FOXR1: variants seen among roughly 807,000 people sequenced by gnomAD.
FOXR1 encodes forkhead box protein R1.
Under a neutral mutation model 34.5 loss-of-function variants are expected in FOXR1, and 25 were observed. That is an observed-to-expected ratio of 0.72 (90% CI 0.53 to 1.01). FOXR1 has a LOEUF of 1.01. Among genes scored for constraint, FOXR1 ranks in the 50% least tolerant of loss-of-function variants. The pLI is 0.00. For missense variants in FOXR1, 373 were observed against 376.2 expected, an observed-to-expected ratio of 0.99 and a Z score of 0.07; for synonymous variants, 153 against 141.6, an observed-to-expected ratio of 1.08 and a Z score of -0.57.
chr11:118,978,086 C>T (rs977282447), intron 1 of FOXR1, among the ~76,000 whole-genome samples: 2 of 151,966 alleles, frequency 1.3e-5, no homozygotes, highest in Non-Finnish European at 2.9e-5. Context: ...GGTGTGGTGG[C>T]GTGCGCTTGT....
chr11:118,973,577 T>C (rs1204026298), intron 1 of FOXR1, among the ~76,000 whole-genome samples: 1 of 152,012 alleles, frequency 6.6e-6, no homozygotes, highest in African/African-American at 2.4e-5. Context: ...TTTTTGTATT[T>C]TTAGTAAAGA....
intron 1 of FOXR1, among the ~76,000 whole-genome samples, chr11:118,976,137 G>C (rs116195865): frequency 1.3e-5 from 2 of 152,228 alleles, no homozygotes; most frequent in African/African-American, 2.4e-5. Context: ...ATGCCTGAGG[G>C]AGTGTCCACA....
intron 1 of FOXR1, among the ~76,000 whole-genome samples, chr11:118,974,730 C>G (rs1941758320): frequency 6.6e-6 from 1 of 152,066 alleles, no homozygotes; most frequent in Admixed American, 6.6e-5. Flanking sequence ...CAGTAGTAAT[C>G]CAGACAAGAG....
At chr11:118,979,743 A>C in intron 4 of FOXR1, 75 bp downstream of exon 4, 8 of 1,370,774 alleles carry the variant, frequency 5.8e-6, no homozygotes, top group Non-Finnish European at 6.9e-6. Flanking sequence ...AATCCATCCC[A>C]GGCCCTGGGT....
chr11:118,972,613 C>CTT (rs796683351), intron 1 of FOXR1, among the ~76,000 whole-genome samples: 39 of 76,970 alleles, frequency 5.1e-4, no homozygotes, highest in Admixed American at 2.0e-3. Context: ...TGGATTAACT[C>CTT]TTTTTTTTTT....
intron 1 of FOXR1, among the ~76,000 whole-genome samples, chr11:118,977,945 C>T (rs927232267): frequency 2.0e-5 from 3 of 151,890 alleles, no homozygotes; most frequent in South Asian, 2.1e-4. Flanking sequence ...TTGGGCTGGG[C>T]GCGGTGGCTC....
intron 1 of FOXR1, among the ~76,000 whole-genome samples, chr11:118,977,441 T>C (rs1483637608): frequency 6.6e-6 from 1 of 152,132 alleles, no homozygotes; most frequent in Non-Finnish European, 1.5e-5. Context: ...GTATTTTAAG[T>C]TCTTTATTTA....
chr11:118,971,993 G>T lies in FOXR1; in HGVS notation c.61+1G>T. 1.9e-6 allele frequency: 3 copies of T among 1,546,862 alleles called. No homozygotes were observed. The highest frequency in any genetic ancestry group is 2.6e-6 in the Non-Finnish European group (3 of 1,144,294). On this transcript the variant is annotated splice_donor_variant, in intron 1 of 5. Transcript: ENST00000317011. LOFTEE classifies it high-confidence loss of function. The stretch of plus-strand genomic sequence containing the variant: ...CACCTCCCCTTAGCGGAGCAGAAAC[G>T]TGAGTAGCGGGTGGGGTGAGGTGGG...
At position 118,980,403 on chromosome 11, in the gene FOXR1, C is replaced by T. The variant is rs1941840317; in HGVS notation, c.612-87C>T. The T allele has an allele frequency of 2.7e-6, 4 of 1,456,386 alleles. No homozygotes were observed. In the South Asian group the frequency reaches 4.6e-5, roughly 17 times the overall value. The allele number at this position is 1,456,386 out of a possible 1,614,324, so 90.2% of individuals were successfully genotyped here. On this transcript the variant is annotated intron_variant, in intron 4 of 5. Transcript: ENST00000317011. The stretch of plus-strand genomic sequence containing the variant: ...ATCCCCCTGGAGAGAAGGGCTAAAG[C>T]CCCTGGCCCCTGGGTAGAACATGCC...
At chr11:118,977,551 G>A (rs1417838856) in intron 1 of FOXR1, among the ~76,000 whole-genome samples, 1 of 151,866 alleles carries the variant, frequency 6.6e-6, no homozygotes, top group Non-Finnish European at 1.5e-5. Context: ...GCAAGACCCT[G>A]TCTCCAAAAA....
intron 5 of FOXR1, 65 bp from the exon 6 acceptor site, chr11:118,981,143 C>A: frequency 1.3e-6 from 2 of 1,518,800 alleles, no homozygotes; most frequent in South Asian, 1.1e-5. Context: ...TATGAGAGAG[C>A]ATCCCAGGCC....
rs782425844 is a variant in FOXR1 at position 118,980,692 on chromosome 11, C to T, written c.814C>T (p.Arg272Trp). 15 of 1,613,804 alleles carry T rather than the reference C, an allele frequency of 9.3e-6. No individual in the cohort carries two copies. Among genetic ancestry groups the T allele is most frequent in the East Asian group, 8.9e-5 (4 of 44,888 alleles). ...GGAGGCCCGCGCCTTGGCTTCCACT[C>T]GGCTAGAAAGTATCCAACAGTGCAT... The part of the protein sequence containing the change: ...AEEARALAST[R>W]LESIQQCMSQ... Residue 272 changes from arginine (R) to tryptophan (W), a missense_variant, in exon 5 of 6, where the codon CGG (arginine) becomes TGG (tryptophan). Transcript: ENST00000317011.
At chr11:118,973,362 G>GTTA (rs1941739016) in intron 1 of FOXR1, among the ~76,000 whole-genome samples, 2 of 152,212 alleles carry the variant, frequency 1.3e-5, no homozygotes, top group Non-Finnish European at 2.9e-5. Context: ...GAAAGAACAG[G>GTTA]AGAAGGAGAC....
Position 118,980,558 on chromosome 11 carries a change from T to C in FOXR1, c.680T>C (p.Phe227Ser). 1 of 1,614,256 alleles carries C rather than the reference T, an allele frequency of 6.2e-7. No homozygotes were observed. Among genetic ancestry groups the C allele is most frequent in the Non-Finnish European group, 8.5e-7 (1 of 1,180,050 alleles). ...WKNTVRHNLC[F>S]RDSFEKVPVS... Reference sequence around the variant, plus strand: ...AATACTGTCCGTCACAATCTCTGTTTTCGAGACAGCTTTGAGAAAGTGCCT... The same window carrying C: ...AATACTGTCCGTCACAATCTCTGTTCTCGAGACAGCTTTGAGAAAGTGCCT... The change falls in exon 5 of 6, where the codon TTT becomes TCT. Residue 227 changes from phenylalanine to serine, a missense_variant. By Grantham distance (155) the Phe-to-Ser change is radical. Transcript: ENST00000317011.
At chr11:118,973,796 C>T (rs1366206457) in intron 1 of FOXR1, among the ~76,000 whole-genome samples, 2 of 149,908 alleles carry the variant, frequency 1.3e-5, no homozygotes, top group East Asian at 2.0e-4. Flanking sequence ...CAGGTTCAAG[C>T]GATTCTTGTG....
At chr11:118,977,795 A>C (rs563186894) in intron 1 of FOXR1, among the ~76,000 whole-genome samples, 1 of 152,310 alleles carries the variant, frequency 6.6e-6, no homozygotes, top group South Asian at 2.1e-4. Flanking sequence ...TAAGACAAAG[A>C]ATACAGGAAG....
rs368571294 is a variant in FOXR1, at chr11:118,980,513, C to T, written c.635C>T (p.Thr212Met). Residue 212 changes from threonine to methionine, a missense_variant, in exon 5 of 6, where the codon ACG becomes ATG. By Grantham distance (81) the Thr-to-Met change is moderately conservative (BLOSUM62 -1). Coordinates refer to ENST00000317011, the MANE Select transcript of FOXR1 (RefSeq NM_181721.3). Reference sequence around the variant, plus strand: ...AGAAAGCACTTCCCCTTTTTCCGGACGGCCCCGGAAGGCTGGAAGAATACT... The same window carrying T: ...AGAAAGCACTTCCCCTTTTTCCGGATGGCCCCGGAAGGCTGGAAGAATACT... ...FTRKHFPFFR[T>M]APEGWKNTVR... is the part of the protein sequence containing the mutation. 1.5e-4 allele frequency: 249 copies of T among 1,613,824 alleles called. 1 individual carries two copies. Among genetic ancestry groups the T allele is most frequent in the Non-Finnish European group, 1.9e-4 (221 of 1,179,988 alleles).
At chr11:118,972,026 G>A in intron 1 of FOXR1, 34 bp downstream of exon 1, 3 of 1,404,508 alleles carry the variant, frequency 2.1e-6, no homozygotes, top group Non-Finnish European at 2.8e-6. Context: ...GGGGGGCTGG[G>A]CGTGGCGGAG....
At chr11:118,972,348 C>G (rs975068651) in intron 1 of FOXR1, among the ~76,000 whole-genome samples, 1 of 151,918 alleles carries the variant, frequency 6.6e-6, no homozygotes, top group African/African-American at 2.4e-5. Flanking sequence ...CTCCTTGGCG[C>G]TGGTCGCCAT....
Sources: allele counts gnomAD v4.1 joint callset (sites outside exome capture counted in the v4.1 genomes callset), GRCh38; gene constraint gnomAD v4.1.1; transcripts MANE v1.5; gene names NCBI Gene and HGNC (gene_info 2026-07-23, HGNC 2026-07-21).